The following MIPOL1 variants were observed in gnomAD, a reference collection of about 807,000 sequenced individuals.
The protein encoded by MIPOL1 is mirror-image polydactyly gene 1 protein.
In MIPOL1, 57 loss-of-function variants were observed where a neutral mutation model predicts 60.9. That is an observed-to-expected ratio of 0.94 (90% CI 0.76 to 1.17). The LOEUF (loss-of-function observed/expected upper bound fraction) is 1.17, where lower values mean the gene tolerates loss of function less well. MIPOL1 is among the 50% of genes most tolerant of loss of function. The pLI is 0.00. For missense variants in MIPOL1, 551 were observed against 511.6 expected, an observed-to-expected ratio of 1.08 and a Z score of -0.74; for synonymous variants, 179 against 168.8, an observed-to-expected ratio of 1.06 and a Z score of -0.47.
At chr14:37,377,214 A>G in intron 10 of MIPOL1, among the ~76,000 whole-genome samples, 1 of 152,170 alleles carries the variant, frequency 6.6e-6, no homozygotes, top group East Asian at 1.9e-4. Context: ...AGACACTGGA[A>G]AAGTTAAATA....
chr14:37,202,976 G>A lies in MIPOL1; in HGVS notation c.-199+4872G>A, dbSNP rs536831712. 1.3e-3 allele frequency among the ~76,000 whole-genome samples: 198 copies of A among 152,152 alleles called. 2 individuals are homozygous for A. The highest frequency in any genetic ancestry group is 3.8e-3 in the African/African-American group (158 of 41,518). ...TTCCAGCAAATCTTATTACTAGTAC[G>A]TCCAGCTACCTGGGACTGGGGATGG... On this transcript the variant is annotated intron_variant, in intron 1 of 12. Transcript: ENST00000684589.
At chr14:37,473,185 C>T (rs72674218) in intron 11 of MIPOL1, among the ~76,000 whole-genome samples, 2,100 of 152,114 alleles carry the variant, frequency 0.014, 25 homozygotes, top group Admixed American at 0.026. Context: ...TGTTCTTTCT[C>T]GATTAAAGAT....
At chr14:37,201,452 A>C (rs867452650) in intron 1 of MIPOL1, among the ~76,000 whole-genome samples, 1 of 152,226 alleles carries the variant, frequency 6.6e-6, no homozygotes, top group Non-Finnish European at 1.5e-5. Flanking sequence ...TAGGAAAGAA[A>C]AGGATGAATG....
intron 7 of MIPOL1, among the ~76,000 whole-genome samples, chr14:37,304,411 A>T (rs1457672289): frequency 6.6e-6 from 1 of 151,806 alleles, no homozygotes; most frequent in East Asian, 1.9e-4. Flanking sequence ...ACATACTCTT[A>T]TATACGTTTG....
Position 37,391,875 on chromosome 14 carries a change from A to G in MIPOL1, c.936+22251A>G, listed in dbSNP as rs184326339. On this transcript the variant is annotated intron_variant, in intron 10 of 12. Coordinates refer to ENST00000684589, the MANE Select transcript of MIPOL1 (RefSeq NM_001388067.1). ...CTGTTATAAGGCAGGAAAACAAGTT[A>G]GAATCTCTAAGATAACCATGAAAAG... Among the ~76,000 whole-genome samples the G allele has an allele frequency of 9.3e-4, 141 of 152,306 alleles. 1 individual carries two copies. The Middle Eastern group carries it at 0.01, about 11-fold the overall frequency.
rs1035250319 is a variant in MIPOL1, at chr14:37,493,921, G to A, written c.1032-5987G>A. 5.3e-5 allele frequency among the ~76,000 whole-genome samples: 8 copies of A among 152,096 alleles called. No individual in the cohort carries two copies. The East Asian group carries it at 1.5e-3, about 29-fold the overall frequency. On this transcript the variant is annotated intron_variant, in intron 11 of 12. Coordinates refer to ENST00000684589, the MANE Select transcript of MIPOL1 (RefSeq NM_001388067.1). ...CCTATACAACTTAAGTGCCTTTGAG[G>A]AGTTATAATACTACTACTACGCTGA...
intron 9 of MIPOL1, among the ~76,000 whole-genome samples, chr14:37,347,113 C>G (rs1416402272): frequency 6.6e-6 from 1 of 152,056 alleles, no homozygotes; most frequent in Non-Finnish European, 1.5e-5. Flanking sequence ...AAAGGAATGT[C>G]TACTAAAGAT....
At chr14:37,540,501 A>C (rs750864316) in intron 12 of MIPOL1, among the ~76,000 whole-genome samples, 11 of 152,170 alleles carry the variant, frequency 7.2e-5, no homozygotes, top group African/African-American at 1.2e-4. Context: ...GTTGTGGCTA[A>C]AACTGAGCAA....
intron 7 of MIPOL1, among the ~76,000 whole-genome samples, chr14:37,289,385 A>G (rs536915221): frequency 2.0e-5 from 3 of 152,346 alleles, no homozygotes; most frequent in African/African-American, 7.2e-5. Context: ...CAGTCCCACA[A>G]GACTGGCCCT....
intron 11 of MIPOL1, among the ~76,000 whole-genome samples, chr14:37,467,795 C>T (rs1286868917): frequency 1.3e-5 from 2 of 152,048 alleles, no homozygotes; most frequent in Non-Finnish European, 2.9e-5. Context: ...TGGCTCATGC[C>T]TATAATCCCA....
intron 10 of MIPOL1, among the ~76,000 whole-genome samples, chr14:37,374,167 T>C (rs1015732640): frequency 6.6e-6 from 1 of 152,194 alleles, no homozygotes; most frequent in Non-Finnish European, 1.5e-5. Context: ...GTTTGTTGGC[T>C]GCATAAATGT....
intron 11 of MIPOL1, among the ~76,000 whole-genome samples, chr14:37,490,212 C>T (rs898979603): frequency 1.3e-5 from 2 of 152,184 alleles, no homozygotes; most frequent in African/African-American, 4.8e-5. Flanking sequence ...GCAGTGGGCT[C>T]CACCCAGTTC....
At chr14:37,463,858 G>A (rs1239515423) in intron 11 of MIPOL1, among the ~76,000 whole-genome samples, 1 of 152,080 alleles carries the variant, frequency 6.6e-6, no homozygotes, top group Non-Finnish European at 1.5e-5. Context: ...TGTAAACTAT[G>A]CATTGAACAA....
chr14:37,222,395 T>A (rs1474476041), intron 1 of MIPOL1, among the ~76,000 whole-genome samples: 4 of 151,644 alleles, frequency 2.6e-5, no homozygotes, highest in African/African-American at 4.8e-5. Flanking sequence ...GCTTTTTTTT[T>A]TTTTTTTTAA....
Position 37,543,181 on chromosome 14 carries a change from T to C in MIPOL1, c.1263-3724T>C, listed in dbSNP as rs2095536086. Among the ~76,000 whole-genome samples the C allele has an allele frequency of 2.0e-5, 3 of 152,218 alleles. No individual in the cohort carries two copies. The South Asian group carries it at 6.2e-4, about 32-fold the overall frequency. On this transcript the variant is annotated intron_variant, in intron 12 of 12. Coordinates refer to ENST00000684589, the MANE Select transcript of MIPOL1 (RefSeq NM_001388067.1). ...CTTTGGATCCCATATCCTAAATATC[T>C]TTCAAATGCATCTCCTTCTTTCCAT...
intron 10 of MIPOL1, among the ~76,000 whole-genome samples, chr14:37,376,808 C>A (rs1439795277): frequency 6.6e-6 from 1 of 152,090 alleles, no homozygotes; most frequent in African/African-American, 2.4e-5. Context: ...CTAAGGAGTG[C>A]AATTTCTGGA....
At chr14:37,421,804 A>G (rs2093877298) in intron 10 of MIPOL1, among the ~76,000 whole-genome samples, 1 of 147,932 alleles carries the variant, frequency 6.8e-6, no homozygotes, top group African/African-American at 2.7e-5. Context: ...TAATTTTCCT[A>G]TAATCAGGGT....
chr14:37,442,365 C>G (rs2094263648), intron 11 of MIPOL1, among the ~76,000 whole-genome samples: 1 of 151,956 alleles, frequency 6.6e-6, no homozygotes, highest in Non-Finnish European at 1.5e-5. Flanking sequence ...TCTTTTGTTT[C>G]TTTCTCTTGC....
intron 10 of MIPOL1, among the ~76,000 whole-genome samples, chr14:37,392,790 A>G (rs1337012826): frequency 6.6e-6 from 1 of 152,152 alleles, no homozygotes; most frequent in Non-Finnish European, 1.5e-5. Context: ...GGTAATTTGA[A>G]CTTATGAAAT....
Sources: allele counts gnomAD v4.1 joint callset (sites outside exome capture counted in the v4.1 genomes callset), GRCh38; gene constraint gnomAD v4.1.1; transcripts MANE v1.5; gene names NCBI Gene and HGNC (gene_info 2026-07-23, HGNC 2026-07-21).